Variants in CNTN4 observed in about 807,000 individuals in gnomAD.
CNTN4 encodes the protein contactin 4.
In CNTN4, 77 loss-of-function variants were observed where a neutral mutation model predicts 122.5. That is an observed-to-expected ratio of 0.63 (90% CI 0.52 to 0.76). The LOEUF is 0.76. Among genes scored for constraint, CNTN4 ranks in the 30% least tolerant of loss-of-function variants. CNTN4 has a pLI of 0.00. For synonymous variants in CNTN4, 512 were observed against 447.0 expected (o/e 1.15, Z -1.83); for missense variants, 1,256 against 1,259.1 (o/e 1.00, Z 0.04).
At chr3:2,423,379 A>T (rs2151126520) in intron 3 of CNTN4, among the ~76,000 whole-genome samples, 1 of 152,238 alleles carries the variant, frequency 6.6e-6, no homozygotes, top group African/African-American at 2.4e-5. Flanking sequence ...TGTACCTGTC[A>T]GTTTAGTGCG....
Position 2,809,748 on chromosome 3 carries a change from G to A in CNTN4, c.359-9738G>A, listed in dbSNP as rs541759827. 5.3e-5 allele frequency among the ~76,000 whole-genome samples: 8 copies of A among 152,114 alleles called. No homozygotes were observed. In the South Asian group the frequency reaches 1.2e-3, roughly 24 times the overall value. On this transcript the variant is annotated intron_variant, in intron 6 of 24. Coordinates refer to ENST00000418658, the MANE Select transcript of CNTN4 (RefSeq NM_175607.3). ...TCCGAAGGAGAACAACATTATTAAC[G>A]GTGCCATATCTCACTAATTGTAGTA...
chr3:2,791,701 T>C (rs2092017956), intron 6 of CNTN4, among the ~76,000 whole-genome samples: 1 of 152,150 alleles, frequency 6.6e-6, no homozygotes, highest in South Asian at 2.1e-4. Context: ...ATGTGTTCTT[T>C]TACGGTTCTA....
At chr3:2,589,000 C>T (rs1279519151) in intron 4 of CNTN4, among the ~76,000 whole-genome samples, 1 of 151,930 alleles carries the variant, frequency 6.6e-6, no homozygotes, top group Non-Finnish European at 1.5e-5. Flanking sequence ...AATACTGTTG[C>T]CTTTATGGTT....
chr3:2,696,149 C>G (rs1358100885), intron 4 of CNTN4, among the ~76,000 whole-genome samples: 3 of 152,182 alleles, frequency 2.0e-5, no homozygotes, highest in Non-Finnish European at 2.9e-5. Flanking sequence ...CGGCCAAGGA[C>G]TTTATTCAGC....
chr3:2,880,692 T>G (rs1007667790), intron 8 of CNTN4, among the ~76,000 whole-genome samples: 6 of 152,232 alleles, frequency 3.9e-5, no homozygotes, highest in African/African-American at 9.6e-5. Context: ...GTAATGTATT[T>G]GAACCTACTT....
intron 2 of CNTN4, among the ~76,000 whole-genome samples, chr3:2,207,745 GAA>G (rs1464939887): frequency 6.6e-6 from 1 of 152,104 alleles, no homozygotes; most frequent in African/African-American, 2.4e-5. Context: ...CTACACCAAA[GAA>G]GAGATTTTCA....
At chr3:2,124,667 G>C (rs186529329) in intron 2 of CNTN4, among the ~76,000 whole-genome samples, 1 of 152,062 alleles carries the variant, frequency 6.6e-6, no homozygotes, top group Non-Finnish European at 1.5e-5. Context: ...CCAGCTACAT[G>C]GGAGGCTGAG....
rs369254643 is a variant in CNTN4 at position 2,612,208 on chromosome 3, A to G, written c.55+40650A>G. Among the ~76,000 whole-genome samples the G allele has an allele frequency of 2.8e-4, 42 of 152,156 alleles. 3 individuals are homozygous for G. Among genetic ancestry groups the G allele is most frequent in the Admixed American group, 1.8e-3 (27 of 15,256 alleles). ...GATAAACCCATCATAAGTTAAAAAT[A>G]TAGTAAGTCAAAAATTACATTTAAT... On this transcript the variant is annotated intron_variant, in intron 4 of 24. Coordinates refer to ENST00000418658, the MANE Select transcript of CNTN4 (RefSeq NM_175607.3).
intron 2 of CNTN4, among the ~76,000 whole-genome samples, chr3:2,167,517 T>C (rs2036253417): frequency 6.6e-6 from 1 of 152,098 alleles, no homozygotes; most frequent in Admixed American, 6.6e-5. Flanking sequence ...ACATAAACAT[T>C]CAAGAAGAAA....
chr3:2,377,611 C>T (rs553124211), intron 3 of CNTN4, among the ~76,000 whole-genome samples: 1 of 152,316 alleles, frequency 6.6e-6, no homozygotes, highest in Admixed American at 6.5e-5. Flanking sequence ...TCCTCTGAAG[C>T]TGAGACAGTA....
chr3:2,868,431 A>T (rs530412093), intron 8 of CNTN4, among the ~76,000 whole-genome samples: 53 of 152,234 alleles, frequency 3.5e-4, no homozygotes, highest in African/African-American at 1.1e-3. Context: ...AACTTGACAA[A>T]TGCAAGACGG....
intron 2 of CNTN4, among the ~76,000 whole-genome samples, chr3:2,125,680 C>T (rs537963227): frequency 6.6e-6 from 1 of 151,734 alleles, no homozygotes; most frequent in South Asian, 2.1e-4. Context: ...GCCTCAGCCT[C>T]CTGAGTAGCT....
In CNTN4 at chr3:2,950,949, A is replaced by G. The variant is rs117905570; in HGVS notation, c.1358+25170A>G. 1.1e-3 allele frequency among the ~76,000 whole-genome samples: 164 copies of G among 152,364 alleles called. 3 individuals carry two copies. In the East Asian group the frequency reaches 0.027, roughly 25 times the overall value. ...CACTTAGCATAGTACTTGACACATA[A>G]TGGACATTAAATACATATATGATGA... is the stretch of plus-strand genomic sequence containing the variant. On this transcript the variant is annotated intron_variant, in intron 13 of 24. Coordinates refer to ENST00000418658, the MANE Select transcript of CNTN4 (RefSeq NM_175607.3).
intron 2 of CNTN4, among the ~76,000 whole-genome samples, chr3:2,208,818 C>A (rs1362537922): frequency 6.6e-6 from 1 of 152,140 alleles, no homozygotes; most frequent in Non-Finnish European, 1.5e-5. Context: ...ACAAAGATTA[C>A]AACTCACTGA....
intron 12 of CNTN4, among the ~76,000 whole-genome samples, chr3:2,914,355 G>C (rs1299562366): frequency 6.6e-6 from 1 of 152,050 alleles, no homozygotes; most frequent in East Asian, 1.9e-4. Flanking sequence ...AAAAAAATCA[G>C]TGTAAACAAG....
At chr3:2,685,625 G>C (rs937853189) in intron 4 of CNTN4, among the ~76,000 whole-genome samples, 1 of 152,138 alleles carries the variant, frequency 6.6e-6, no homozygotes, top group Non-Finnish European at 1.5e-5. Context: ...TGATTTAAAT[G>C]AGAAAACCTA....
intron 4 of CNTN4, among the ~76,000 whole-genome samples, chr3:2,653,150 T>A (rs935557176): frequency 6.6e-6 from 1 of 152,156 alleles, no homozygotes; most frequent in African/African-American, 2.4e-5. Context: ...TACGCGTTAA[T>A]ACATGTGAAA....
intron 12 of CNTN4, among the ~76,000 whole-genome samples, chr3:2,918,986 T>C (rs1237133960): frequency 6.6e-6 from 1 of 152,198 alleles, no homozygotes; most frequent in East Asian, 1.9e-4. Context: ...TCAACTTTTT[T>C]ATAATACACA....
rs10575193 is a variant in CNTN4, at chr3:2,776,274, CT to C, written c.358+30596del. On this transcript the variant is annotated intron_variant, in intron 6 of 24. Transcript: ENST00000418658. ...GCAATTTGATTGGTTATAAGTGTTT[CT>C]TTTTTTTTTTTTTTTTTTGGAAAGA... 4.6e-3 allele frequency among the ~76,000 whole-genome samples: 621 copies of C among 134,156 alleles called. 4 individuals carry two copies. The highest frequency in any genetic ancestry group is 0.024 in the South Asian group (102 of 4,174). The allele number at this position is 134,156 out of a possible 152,430, so 88.0% of individuals were successfully genotyped here.
Sources: allele counts gnomAD v4.1 joint callset (sites outside exome capture counted in the v4.1 genomes callset), GRCh38; gene constraint gnomAD v4.1.1; transcripts MANE v1.5; gene names NCBI Gene and HGNC (gene_info 2026-07-23, HGNC 2026-07-21).